BMP2K: variants seen among roughly 807,000 people sequenced by gnomAD.
BMP2K encodes BMP-2-inducible protein kinase.
Under a neutral mutation model 116.0 loss-of-function variants are expected in BMP2K, and 74 were observed. The ratio of observed to expected loss-of-function variants is 0.64; its 90% CI spans 0.53 to 0.77. The LOEUF (loss-of-function observed/expected upper bound fraction) is 0.77. BMP2K is among the 30% of genes least tolerant of loss of function. The pLI, the probability that BMP2K is intolerant of heterozygous loss-of-function variation, is 0.00. For synonymous variants in BMP2K, 486 were observed against 502.5 expected, an observed-to-expected ratio of 0.97 and a Z score of 0.44; for missense variants, 1,365 against 1,403.6, an observed-to-expected ratio of 0.97 and a Z score of 0.44.
At chr4:78,802,913 A>G (rs1728640016) in intron 1 of BMP2K, among the ~76,000 whole-genome samples, 1 of 151,884 alleles carries the variant, frequency 6.6e-6, no homozygotes, top group East Asian at 1.9e-4. Flanking sequence ...GCAATGGCAC[A>G]TTCCTGGCTC....
chr4:78,847,308 T>C, intron 6 of BMP2K, 39 bp downstream of exon 6: 1 of 1,451,668 alleles, frequency 6.9e-7, no homozygotes, highest in Admixed American at 2.3e-5. Flanking sequence ...CTAACCAAAT[T>C]AAAAAATCTG....
chr4:78,892,960 T>C (rs1206408266), intron 15 of BMP2K, among the ~76,000 whole-genome samples: 2 of 152,220 alleles, frequency 1.3e-5, no homozygotes, highest in African/African-American at 4.8e-5. Flanking sequence ...GGGGTGGCTA[T>C]GGTAATTTCT....
chr4:78,778,914 C>T (rs1727374055), intron 1 of BMP2K, among the ~76,000 whole-genome samples: 1 of 152,184 alleles, frequency 6.6e-6, no homozygotes, highest in Non-Finnish European at 1.5e-5. Flanking sequence ...TAGACCAAAG[C>T]ACAGACTTGG....
At chr4:78,804,614 A>T (rs1728731513) in intron 1 of BMP2K, among the ~76,000 whole-genome samples, 1 of 152,034 alleles carries the variant, frequency 6.6e-6, no homozygotes, top group Non-Finnish European at 1.5e-5. Flanking sequence ...CATTTTGATC[A>T]TAGCCATCTT....
chr4:78,798,607 A>C (rs1301267713), intron 1 of BMP2K, among the ~76,000 whole-genome samples: 2 of 152,222 alleles, frequency 1.3e-5, no homozygotes, highest in African/African-American at 4.8e-5. Flanking sequence ...TCTTTAGGGA[A>C]ACTCCAACGG....
intron 1 of BMP2K, among the ~76,000 whole-genome samples, chr4:78,779,832 A>G (rs772724893): frequency 3.3e-5 from 5 of 152,202 alleles, no homozygotes; most frequent in African/African-American, 1.2e-4. Flanking sequence ...AGTCAAGCAC[A>G]TAAGTGTTTG....
intron 15 of BMP2K, among the ~76,000 whole-genome samples, chr4:78,896,017 C>G (rs1733682649): frequency 6.6e-6 from 1 of 152,168 alleles, no homozygotes; most frequent in Non-Finnish European, 1.5e-5. Context: ...CCTTGGCCTC[C>G]CACAATGCTG....
intron 7 of BMP2K, among the ~76,000 whole-genome samples, chr4:78,855,602 T>C (rs1403056973): frequency 6.6e-6 from 1 of 152,156 alleles, no homozygotes; most frequent in Non-Finnish European, 1.5e-5. Flanking sequence ...TAGCTTCTAT[T>C]TTTGTTGGAA....
chr4:78,799,176 CA>C (rs1249760778), intron 1 of BMP2K, among the ~76,000 whole-genome samples: 1 of 151,966 alleles, frequency 6.6e-6, no homozygotes, highest in African/African-American at 2.4e-5. Context: ...AGTGGACATA[CA>C]AACATATATA....
Position 78,912,020 on chromosome 4 carries a change from C to G in BMP2K, c.3473C>G (p.Pro1158Arg). Reference protein sequence around the residue: ...ELDPFGAAPFPSKQ With the variant: ...ELDPFGAAPFRSKQ ...GACCCATTTGGTGCTGCTCCATTTC[C>G]TTCTAAACAGTAGATACTTCTGATG... is the stretch of plus-strand genomic sequence containing the variant. The change falls in exon 16 of 16, where the codon CCT (proline) becomes CGT (arginine). Residue 1158 changes from proline to arginine, a missense_variant. By Grantham distance (103) the Pro-to-Arg change is moderately radical. This residue lies in a region of BMP2K where 596 missense variants were observed against 623.2 expected (regional missense o/e 0.96). Coordinates refer to ENST00000502613, the MANE Select transcript of BMP2K (RefSeq NM_198892.2). The G allele has an allele frequency of 6.2e-7, 1 of 1,607,916 alleles. No homozygotes were observed. Among genetic ancestry groups the G allele is most frequent in the Non-Finnish European group, 8.5e-7 (1 of 1,176,150 alleles).
intron 1 of BMP2K, among the ~76,000 whole-genome samples, chr4:78,819,894 A>T (rs1465405304): frequency 6.6e-6 from 1 of 152,134 alleles, no homozygotes; most frequent in African/African-American, 2.4e-5. Flanking sequence ...AAATCCTTTC[A>T]TTTCTTGTTG....
chr4:78,907,462 T>A (rs1734344123), intron 15 of BMP2K, among the ~76,000 whole-genome samples: 1 of 152,224 alleles, frequency 6.6e-6, no homozygotes, highest in African/African-American at 2.4e-5. Context: ...TTATCTGTCC[T>A]ACGTTAAATG....
intron 15 of BMP2K, among the ~76,000 whole-genome samples, chr4:78,902,379 A>G (rs1734055006): frequency 6.6e-6 from 1 of 152,106 alleles, no homozygotes; most frequent in Non-Finnish European, 1.5e-5. Flanking sequence ...GTTCACAACT[A>G]TTAGGATTCT....
At chr4:78,837,360 A>G (rs920576815) in intron 3 of BMP2K, among the ~76,000 whole-genome samples, 2 of 151,900 alleles carry the variant, frequency 1.3e-5, no homozygotes, top group African/African-American at 4.8e-5. Context: ...ACATCTGACT[A>G]ATTTTTGTAA....
chr4:78,817,825 T>C (rs1395882254), intron 1 of BMP2K, among the ~76,000 whole-genome samples: 1 of 152,170 alleles, frequency 6.6e-6, no homozygotes, highest in Non-Finnish European at 1.5e-5. Context: ...TGAAGCTATG[T>C]AGGGGCCCCA....
At chr4:78,858,336 G>C (rs1292927435) in intron 7 of BMP2K, among the ~76,000 whole-genome samples, 1 of 151,830 alleles carries the variant, frequency 6.6e-6, no homozygotes, top group Non-Finnish European at 1.5e-5. Flanking sequence ...TTTGGATTGA[G>C]TTTGAATATA....
At chr4:78,872,060 G>T (rs1732385467) in intron 12 of BMP2K, 112 bp downstream of exon 12, 1 of 795,138 alleles carries the variant, frequency 1.3e-6, no homozygotes, top group African/African-American at 1.8e-5. Flanking sequence ...TAAGTTAATT[G>T]ACATGTATTT....
At chr4:78,813,683 T>C (rs574835964) in intron 1 of BMP2K, among the ~76,000 whole-genome samples, 4 of 152,204 alleles carry the variant, frequency 2.6e-5, no homozygotes, top group Non-Finnish European at 4.4e-5. Context: ...ACTTTCTTCC[T>C]ATCTTTACTC....
intron 10 of BMP2K, among the ~76,000 whole-genome samples, chr4:78,867,292 C>T (rs1296467672): frequency 6.6e-6 from 1 of 152,080 alleles, no homozygotes; most frequent in African/African-American, 2.4e-5. Context: ...GATGTTGAGG[C>T]ATTTTTGGGG....
Sources: allele counts gnomAD v4.1 joint callset (sites outside exome capture counted in the v4.1 genomes callset), GRCh38; gene constraint gnomAD v4.1.1; regional missense constraint gnomAD v4.1.1; transcripts MANE v1.5; gene names NCBI Gene and HGNC (gene_info 2026-07-23, HGNC 2026-07-21).